The following ROR2 variants were observed in gnomAD, a reference collection of about 807,000 sequenced individuals.
ROR2 encodes ROR family WNT receptor 2.
In ROR2, 33 loss-of-function variants were observed where a neutral mutation model predicts 74.9. The ratio of observed to expected loss-of-function variants is 0.44; its 90% confidence interval spans 0.33 to 0.59. The LOEUF (loss-of-function observed/expected upper bound fraction) is 0.59, where lower values mean the gene tolerates loss of function less well. ROR2 is among the 20% of genes least tolerant of loss of function. The pLI, the probability that ROR2 is intolerant of heterozygous loss-of-function variation, is 0.02. For synonymous variants in ROR2, 586 were observed against 558.7 expected (o/e 1.05, Z -0.69); for missense variants, 1,216 against 1,313.8 (o/e 0.93, Z 1.15).
intron 4 of ROR2, among the ~76,000 whole-genome samples, chr9:91,744,629 A>T (rs550231242): frequency 6.6e-6 from 1 of 152,184 alleles, no homozygotes. Context: ...GACTGTACTG[A>T]TAACAGATGT....
intron 1 of ROR2, among the ~76,000 whole-genome samples, chr9:91,842,523 C>T (rs750246089): frequency 2.0e-5 from 3 of 152,224 alleles, no homozygotes; most frequent in African/African-American, 4.8e-5. Context: ...TGCCAGAGGC[C>T]AATCGGACGC....
chr9:91,930,879 G>T (rs1260179671), intron 1 of ROR2, among the ~76,000 whole-genome samples: 1 of 152,190 alleles, frequency 6.6e-6, no homozygotes. Context: ...AAGAAGAATG[G>T]ATATGGCTGG....
At chr9:91,920,532 G>A (rs1298734969) in intron 1 of ROR2, among the ~76,000 whole-genome samples, 1 of 152,128 alleles carries the variant, frequency 6.6e-6, no homozygotes, top group Non-Finnish European at 1.5e-5. Context: ...AGTACACAAT[G>A]CTTTACCCTG....
intron 1 of ROR2, among the ~76,000 whole-genome samples, chr9:91,872,851 A>G (rs200544998): frequency 1.3e-5 from 2 of 152,238 alleles, no homozygotes; most frequent in South Asian, 4.1e-4. Flanking sequence ...GGGAAAAGTA[A>G]AGGCACCCTG....
intron 1 of ROR2, among the ~76,000 whole-genome samples, chr9:91,796,606 G>A (rs891536227): frequency 2.0e-4 from 31 of 152,312 alleles, no homozygotes; most frequent in Admixed American, 1.8e-3. Flanking sequence ...GGGTACCTGG[G>A]TGGGACGCTG....
chr9:91,801,444 T>C (rs1827374642), intron 1 of ROR2, among the ~76,000 whole-genome samples: 1 of 152,214 alleles, frequency 6.6e-6, no homozygotes. Flanking sequence ...GCAATTCTCC[T>C]GCCTCAGCCT....
At chr9:91,761,397 G>A (rs187963315) in intron 2 of ROR2, among the ~76,000 whole-genome samples, 5 of 131,056 alleles carry the variant, frequency 3.8e-5, no homozygotes, top group African/African-American at 1.4e-4. Flanking sequence ...CCCTGAGCTT[G>A]TTCTCCTGCA....
chr9:91,829,174 G>C (rs903666663), intron 1 of ROR2, among the ~76,000 whole-genome samples: 2 of 152,212 alleles, frequency 1.3e-5, no homozygotes, highest in African/African-American at 4.8e-5. Context: ...CTTCCGCGGA[G>C]TGCAGCCAGA....
At position 91,725,121 on chromosome 9, in the gene ROR2, A is replaced by G; in HGVS notation, c.1387-14T>C. 6.2e-7 allele frequency: 1 copy of G among 1,613,018 alleles called. No homozygotes were observed. The highest frequency in any genetic ancestry group is 8.5e-7 in the Non-Finnish European group (1 of 1,180,008). The stretch of plus-strand genomic sequence containing the variant: ...TTTGAGTTTGGCCTGTCAAGAAGAA[A>G]AGCCCCACGTGAAACATCACTGTCA... On this transcript the variant is annotated splice_polypyrimidine_tract_variant and intron_variant, in intron 8 of 8. Transcript: ENST00000375708.
intron 2 of ROR2, among the ~76,000 whole-genome samples, chr9:91,769,403 T>C (rs1307606022): frequency 6.6e-6 from 1 of 152,130 alleles, no homozygotes; most frequent in African/African-American, 2.4e-5. Flanking sequence ...GTCCTCTCCC[T>C]ACCTGTGCCC....
intron 1 of ROR2, among the ~76,000 whole-genome samples, chr9:91,836,018 G>A (rs1453910502): frequency 2.6e-5 from 4 of 152,152 alleles, no homozygotes; most frequent in Admixed American, 6.5e-5. Context: ...GCACATGCAA[G>A]CAATGAGGTT....
intron 1 of ROR2, among the ~76,000 whole-genome samples, chr9:91,874,715 C>T (rs889815284): frequency 3.3e-5 from 5 of 152,156 alleles, no homozygotes; most frequent in African/African-American, 1.2e-4. Flanking sequence ...GTGGGTGGAT[C>T]ACCTGAGGTC....
At position 91,837,019 on chromosome 9, in the gene ROR2, GAAAAT is replaced by G. The variant is rs1828628658; in HGVS notation, c.98-61206_98-61202del. 2.0e-5 allele frequency among the ~76,000 whole-genome samples: 3 copies of G among 152,222 alleles called. No individual in the cohort carries two copies. In the South Asian group the frequency reaches 6.2e-4, roughly 32 times the overall value. ...TTATTAGATTGGAAAATCATCACAA[GAAAAT>G]AAAATAATTTTTCTTTAAAAAAACT... On this transcript the variant is annotated intron_variant, in intron 1 of 8. Coordinates refer to ENST00000375708, the MANE Select transcript of ROR2 (RefSeq NM_004560.4).
chr9:91,857,103 G>C (rs2119281513), intron 1 of ROR2, among the ~76,000 whole-genome samples: 1 of 152,370 alleles, frequency 6.6e-6, no homozygotes, highest in Non-Finnish European at 1.5e-5. Flanking sequence ...GTGTGGCAGA[G>C]AGGAGACTAG....
chr9:91,783,105 T>C (rs1302121580), intron 1 of ROR2, among the ~76,000 whole-genome samples: 7 of 152,154 alleles, frequency 4.6e-5, no homozygotes, highest in Non-Finnish European at 8.8e-5. Flanking sequence ...CATCTCCTCA[T>C]TGTCCCTCCA....
intron 1 of ROR2, among the ~76,000 whole-genome samples, chr9:91,836,933 A>C (rs1828626606): frequency 6.6e-6 from 1 of 152,240 alleles, no homozygotes; most frequent in Non-Finnish European, 1.5e-5. Context: ...TTTTGTTTGC[A>C]GCTTTGGTCA....
Position 91,722,749 on chromosome 9 carries a change from A to G in ROR2, c.*913T>C. 4.7e-6 allele frequency: 3 copies of G among 637,592 alleles called. No individual in the cohort carries two copies. The highest frequency in any genetic ancestry group is 2.7e-5 in the East Asian group (1 of 37,028). 39.5% of individuals were successfully genotyped at this position (637,592 alleles called of 1,614,324 possible). A position where few individuals can be genotyped will look rare whatever the true frequency, so the allele number is the denominator to read the frequency against. On this transcript the variant is annotated 3_prime_UTR_variant, in exon 9 of 9. Coordinates refer to ENST00000375708, the MANE Select transcript of ROR2 (RefSeq NM_004560.4). ...CTCATGTGCACGTGGTACAGAGAGA[A>G]GCAAACCAAGACCAACTGGATCCCA...
At position 91,950,010 on chromosome 9, in the gene ROR2, G is replaced by C; in HGVS notation, c.-47C>G. 9.4e-7 allele frequency: 1 copy of C among 1,068,466 alleles called. No individual in the cohort carries two copies. The highest frequency in any genetic ancestry group is 1.2e-6 in the Non-Finnish European group (1 of 804,398). The allele number at this position is 1,068,466 out of a possible 1,614,324, so 66.2% of individuals were successfully genotyped here. A position where few individuals can be genotyped will look rare whatever the true frequency, so the allele number is the denominator to read the frequency against. On this transcript the variant is annotated 5_prime_UTR_variant, in exon 1 of 9. Coordinates refer to ENST00000375708, the MANE Select transcript of ROR2 (RefSeq NM_004560.4). ...GAAGCCCTCAGAGCTTCGGGCCGGG[G>C]CGCGGGGTCGGGCGCCACCACCCCT...
chr9:91,806,694 A>G (rs1223831023), intron 1 of ROR2, among the ~76,000 whole-genome samples: 1 of 152,116 alleles, frequency 6.6e-6, no homozygotes, highest in Non-Finnish European at 1.5e-5. Context: ...GGTTCACGCC[A>G]TTCTCCTGCC....
Sources: allele counts gnomAD v4.1 joint callset (sites outside exome capture counted in the v4.1 genomes callset), GRCh38; gene constraint gnomAD v4.1.1; transcripts MANE v1.5; gene names NCBI Gene and HGNC (gene_info 2026-07-23, HGNC 2026-07-21).